CCDC18: variants seen among roughly 807,000 people sequenced by gnomAD.
The protein encoded by CCDC18 is coiled-coil domain containing 18.
Under a neutral mutation model 196.0 loss-of-function variants are expected in CCDC18, and 157 were observed. The observed-to-expected ratio is 0.80, with a 90% CI of 0.70 to 0.91. CCDC18 has a LOEUF of 0.91. Among genes scored for constraint, CCDC18 ranks in the 40% least tolerant of loss-of-function variants. The pLI, the probability that CCDC18 is intolerant of heterozygous loss-of-function variation, is 0.00. For synonymous variants in CCDC18, 482 were observed against 529.2 expected (o/e 0.91, Z 1.22); for missense variants, 1,465 against 1,611.6 (o/e 0.91, Z 1.56).
chr1:93,223,937 ACAC>A (rs1479549343), intron 16 of CCDC18, among the ~76,000 whole-genome samples: 3 of 143,042 alleles, frequency 2.1e-5, no homozygotes, highest in African/African-American at 8.1e-5. Flanking sequence ...ACACACACAC[ACAC>A]ATTTGCAAGT....
rs529981717 is a variant in CCDC18 at position 93,220,516 on chromosome 1, A to C, written c.1963-1093A>C. ...ATATCTATGGCAGTTGAAAGAAGAA[A>C]TTATAACATTTACTGATGAGGTATA... On this transcript the variant is annotated intron_variant, in intron 14 of 28. Transcript: ENST00000690025. Among the ~76,000 whole-genome samples the C allele has an allele frequency of 1.6e-3, 250 of 152,360 alleles. 1 individual carries two copies. The highest frequency in any genetic ancestry group is 2.9e-3 in the Non-Finnish European group (200 of 68,028).
chr1:93,190,281 A>C (rs1651523733), intron 4 of CCDC18, among the ~76,000 whole-genome samples: 1 of 152,202 alleles, frequency 6.6e-6, no homozygotes, highest in Admixed American at 6.5e-5. Context: ...CGAGGTTAAG[A>C]GATCGAGACC....
At chr1:93,265,990 C>T (rs183356390) in intron 27 of CCDC18, among the ~76,000 whole-genome samples, 2 of 152,316 alleles carry the variant, frequency 1.3e-5, no homozygotes, top group East Asian at 3.9e-4. Context: ...ACAGAATATA[C>T]ATTCTTCTCA....
Position 93,270,721 on chromosome 1 carries a change from C to T in CCDC18, c.4260C>T (p.Asp1420=). Residue 1420 remains aspartate (D), a synonymous_variant, in exon 28 of 29, where the codon GAC becomes GAT. Coordinates refer to ENST00000690025, the MANE Select transcript of CCDC18 (RefSeq NM_001378204.1). ...AAGCTGATAGTTCTGAGAATAATGA[C>T]TTTAACACGCTTAGTGGGATGCTAA... ...NLEADSSENN[D]FNTLSGMLRY... 6.5e-7 allele frequency: 1 copy of T among 1,550,258 alleles called. No individual in the cohort carries two copies. Among genetic ancestry groups the T allele is most frequent in the South Asian group, 1.2e-5 (1 of 84,044 alleles).
At chr1:93,191,136 T>G in intron 4 of CCDC18, 1 of 508,600 alleles carries the variant, frequency 2.0e-6, no homozygotes, top group East Asian at 4.0e-5. Context: ...CAAAGAATCC[T>G]TTAGTTTCTC....
At chr1:93,256,682 TA>T in intron 25 of CCDC18, 144 bp downstream of exon 25, 1 of 684,082 alleles carries the variant, frequency 1.5e-6, no homozygotes, top group Non-Finnish European at 2.5e-6. Flanking sequence ...ATTATACACT[TA>T]AAAATGGTTA....
rs1250419132 is a variant in CCDC18, at chr1:93,186,328, C to A, written c.304-17C>A. On this transcript the variant is annotated splice_polypyrimidine_tract_variant and intron_variant, in intron 3 of 28. Transcript: ENST00000690025. Reference sequence around the variant, plus strand: ...TGAAATAATTGAAAATATATTTGTTCTTTTTCATTCTTTCAGATGTTTTCA... The same window carrying A: ...TGAAATAATTGAAAATATATTTGTTATTTTTCATTCTTTCAGATGTTTTCA... The A allele has an allele frequency of 6.3e-7, 1 of 1,599,316 alleles. No individual in the cohort carries two copies. Among genetic ancestry groups the A allele is most frequent in the East Asian group, 2.3e-5 (1 of 44,380 alleles).
chr1:93,235,323 A>AG (rs1659930093), intron 18 of CCDC18, among the ~76,000 whole-genome samples: 1 of 151,692 alleles, frequency 6.6e-6, no homozygotes, highest in African/African-American at 2.4e-5. Context: ...CAGATCCCTG[A>AG]GGGATGTGAT....
Position 93,246,231 on chromosome 1 carries a change from T to C in CCDC18, c.3081+27T>C, listed in dbSNP as rs369856030. 1.5e-4 allele frequency: 226 copies of C among 1,496,550 alleles called. 1 individual carries two copies. Among genetic ancestry groups the C allele is most frequent in the Non-Finnish European group, 2.0e-4 (216 of 1,095,684 alleles). The allele number at this position is 1,496,550 out of a possible 1,614,324, so 92.7% of individuals were successfully genotyped here. Reference sequence around the variant, plus strand: ...TTGATTTTTCTTGATTATATTTTAATGGAGTTTTCTGTTATGACACAGTCA... The same window carrying C: ...TTGATTTTTCTTGATTATATTTTAACGGAGTTTTCTGTTATGACACAGTCA... On this transcript the variant is annotated intron_variant, in intron 22 of 28. Coordinates refer to ENST00000690025, the MANE Select transcript of CCDC18 (RefSeq NM_001378204.1).
chr1:93,185,937 C>T (rs1272326433), intron 3 of CCDC18, among the ~76,000 whole-genome samples: 1 of 151,518 alleles, frequency 6.6e-6, no homozygotes, highest in Non-Finnish European at 1.5e-5. Flanking sequence ...ACCTATTATC[C>T]ATTTTGTTGG....
upstream of CCDC18, chr1:93,179,924 G>C: frequency 9.9e-7 from 1 of 1,010,074 alleles, no homozygotes. Context: ...CGCGGAGCGG[G>C]CTGGCTTCCT....
intron 6 of CCDC18, among the ~76,000 whole-genome samples, chr1:93,197,745 CTTTTTTTTT>C (rs71094240): frequency 6.3e-4 from 48 of 76,008 alleles, no homozygotes; most frequent in Non-Finnish European, 9.8e-4. Flanking sequence ...CTTTTCTTTT[CTTTTTTTTT>C]TTTTTTTTTT....
At position 93,207,390 on chromosome 1, in the gene CCDC18, C is replaced by G; in HGVS notation, c.1201C>G (p.Gln401Glu). Reference protein sequence around the residue: ...ELRSLEKIISQLPLKRELFGF... With the variant: ...ELRSLEKIISELPLKRELFGF... ...AAGAAGTTTGGAAAAGATTATATCC[C>G]AGTTGCCAGTAAGTATGTGTGATTA... Residue 401 changes from glutamine to glutamate, a missense_variant, in exon 9 of 29, where the codon CAG (glutamine) becomes GAG (glutamate). Coordinates refer to ENST00000690025, the MANE Select transcript of CCDC18 (RefSeq NM_001378204.1). 1 of 1,586,038 alleles carries G rather than the reference C, an allele frequency of 6.3e-7. No homozygotes were observed. The highest frequency in any genetic ancestry group is 8.6e-7 in the Non-Finnish European group (1 of 1,165,096).
intron 6 of CCDC18, among the ~76,000 whole-genome samples, chr1:93,199,196 GC>G (rs892507727): frequency 6.6e-6 from 1 of 152,210 alleles, no homozygotes; most frequent in African/African-American, 2.4e-5. Flanking sequence ...CTGGCAGGCT[GC>G]GCTTGGCTCG....
intron 1 of CCDC18, among the ~76,000 whole-genome samples, chr1:93,182,618 T>G (rs779163759): frequency 1.1e-4 from 17 of 152,336 alleles, no homozygotes; most frequent in Non-Finnish European, 2.2e-4. Context: ...GATTTTTATA[T>G]GCAAAGAAAT....
chr1:93,223,838 C>T (rs1051555166), intron 16 of CCDC18, among the ~76,000 whole-genome samples: 9 of 151,466 alleles, frequency 5.9e-5, no homozygotes, highest in Non-Finnish European at 1.3e-4. Flanking sequence ...AGATTGTGCA[C>T]CTGAGGAGCT....
chr1:93,244,583 T>G (rs777423080), intron 21 of CCDC18, among the ~76,000 whole-genome samples: 1 of 152,128 alleles, frequency 6.6e-6, no homozygotes, highest in Non-Finnish European at 1.5e-5. Context: ...TAAGTGCTAA[T>G]GAGTAGGAAG....
chr1:93,207,306 G>A lies in CCDC18; in HGVS notation c.1117G>A (p.Ala373Thr). The A allele has an allele frequency of 6.2e-7, 1 of 1,613,378 alleles. No homozygotes were observed. Among genetic ancestry groups the A allele is most frequent in the Non-Finnish European group, 8.5e-7 (1 of 1,179,496 alleles). Residue 373 changes from alanine to threonine, a missense_variant, in exon 9 of 29, where the codon GCA (alanine) becomes ACA (threonine). Ala to Thr is a moderately conservative substitution (Grantham distance 58). Transcript: ENST00000690025. ...ENRELKVRVAAQNERLDLCQQ... is the reference protein window; with the variant it reads ...ENRELKVRVATQNERLDLCQQ... Reference sequence around the variant, plus strand: ...CCGAGAATTAAAGGTCCGTGTTGCAGCACAGAATGAGCGACTAGATTTATG... The same window carrying A: ...CCGAGAATTAAAGGTCCGTGTTGCAACACAGAATGAGCGACTAGATTTATG...
At chr1:93,208,342 G>T (rs2783502) in intron 9 of CCDC18, among the ~76,000 whole-genome samples, 119,520 of 149,278 alleles carry the variant, frequency 0.8, 48,280 homozygotes, top group East Asian at 0.97. Flanking sequence ...TTGTTTGTTT[G>T]TTTTTTTGAC....
Sources: allele counts gnomAD v4.1 joint callset (sites outside exome capture counted in the v4.1 genomes callset), GRCh38; gene constraint gnomAD v4.1.1; transcripts MANE v1.5; gene names NCBI Gene and HGNC (gene_info 2026-07-23, HGNC 2026-07-21).